KIAA1328: variants seen among roughly 807,000 people sequenced by gnomAD.
The protein encoded by KIAA1328 is KIAA1328.
In KIAA1328, 52 loss-of-function variants were observed where a neutral mutation model predicts 68.1. The observed-to-expected ratio is 0.76, with a 90% CI of 0.61 to 0.96. KIAA1328 has a LOEUF of 0.96. Among genes scored for constraint, KIAA1328 ranks in the 40% least tolerant of loss-of-function variants. The pLI, the probability that KIAA1328 is intolerant of heterozygous loss-of-function variation, is 0.00. For missense variants in KIAA1328, 641 were observed against 677.6 expected, an observed-to-expected ratio of 0.95 and a Z score of 0.60; for synonymous variants, 232 against 239.4, an observed-to-expected ratio of 0.97 and a Z score of 0.28.
chr18:36,934,033 A>G (rs907971119), intron 5 of KIAA1328, among the ~76,000 whole-genome samples: 1 of 152,110 alleles, frequency 6.6e-6, no homozygotes, highest in Non-Finnish European at 1.5e-5. Context: ...ACTCTCCAGG[A>G]TGATCCCCCT....
chr18:36,989,618 C>T (rs774799788), intron 6 of KIAA1328, among the ~76,000 whole-genome samples: 36 of 152,152 alleles, frequency 2.4e-4, no homozygotes, highest in Non-Finnish European at 4.0e-4. Flanking sequence ...AATTTTTAGT[C>T]GTGTGCCCAT....
In KIAA1328 at chr18:37,222,350, C is replaced by T; in HGVS notation, c.*123C>T. On this transcript the variant is annotated 3_prime_UTR_variant, in exon 10 of 10. Coordinates refer to ENST00000280020, the MANE Select transcript of KIAA1328 (RefSeq NM_020776.3). ...CACGGGGACTTGTCTCACTAGCATC[C>T]TGTTACGTATTGAATATAGAAATCA... The T allele has an allele frequency of 6.8e-7, 1 of 1,478,484 alleles. No individual in the cohort carries two copies. The highest frequency in any genetic ancestry group is 8.9e-7 in the Non-Finnish European group (1 of 1,119,698). 91.6% of individuals were successfully genotyped at this position (1,478,484 alleles called of 1,614,324 possible).
intron 6 of KIAA1328, among the ~76,000 whole-genome samples, chr18:37,037,825 G>A (rs2055086292): frequency 6.6e-6 from 1 of 152,102 alleles, no homozygotes. Flanking sequence ...AGATGGGCCA[G>A]GCACTGTGGC....
chr18:37,223,587 C>T lies in KIAA1328; in HGVS notation c.*1360C>T. On this transcript the variant is annotated 3_prime_UTR_variant, in exon 10 of 10. Transcript: ENST00000280020. ...GCTTTTTTTCTCTCCTTTTTACCAA[C>T]CCCAACTAAACTGGGAGTAAGACTT... 1 of 985,338 alleles carries T rather than the reference C, an allele frequency of 1.0e-6. No homozygotes were observed. Among genetic ancestry groups the T allele is most frequent in the African/African-American group, 1.7e-5 (1 of 57,344 alleles). 61.0% of individuals were successfully genotyped at this position (985,338 alleles called of 1,614,324 possible). A position where few individuals can be genotyped will look rare whatever the true frequency, so the allele number is the denominator to read the frequency against.
intron 6 of KIAA1328, among the ~76,000 whole-genome samples, chr18:36,997,661 G>A (rs1192014659): frequency 6.6e-6 from 1 of 152,172 alleles, no homozygotes; most frequent in African/African-American, 2.4e-5. Flanking sequence ...GGGTCCAGCA[G>A]TACCAGGACC....
downstream of KIAA1328, chr18:37,231,746 A>C (rs2060664812): frequency 6.5e-6 from 1 of 152,800 alleles, no homozygotes; most frequent in African/African-American, 2.4e-5. Flanking sequence ...AGGATGCCCT[A>C]GGCCCGTGCC....
At chr18:37,151,941 A>C (rs2059039974) in intron 7 of KIAA1328, among the ~76,000 whole-genome samples, 1 of 151,956 alleles carries the variant, frequency 6.6e-6, no homozygotes, top group African/African-American at 2.4e-5. Flanking sequence ...GGAGGTATCT[A>C]TGTGGAGTTT....
chr18:36,870,962 C>A (rs1280565926), intron 4 of KIAA1328, among the ~76,000 whole-genome samples: 1 of 152,192 alleles, frequency 6.6e-6, no homozygotes, highest in Non-Finnish European at 1.5e-5. Context: ...TGGCCTCCAC[C>A]AAGCTGAAAT....
intron 5 of KIAA1328, among the ~76,000 whole-genome samples, chr18:36,889,989 T>C (rs2048628051): frequency 6.6e-6 from 1 of 152,182 alleles, no homozygotes; most frequent in African/African-American, 2.4e-5. Context: ...AAACCAAGTT[T>C]TAGTTTCCTC....
rs545101918 is a variant in KIAA1328 at position 36,913,522 on chromosome 18, A to T, written c.448+27850A>T. ...CACACACACACACACACACACACAC[A>T]CTTAGAGGAAAGCAACTGCCTACAC... On this transcript the variant is annotated intron_variant, in intron 5 of 9. Coordinates refer to ENST00000280020, the MANE Select transcript of KIAA1328 (RefSeq NM_020776.3). 1.7e-4 allele frequency among the ~76,000 whole-genome samples: 14 copies of T among 82,166 alleles called. 1 individual carries two copies. Among genetic ancestry groups the T allele is most frequent in the South Asian group, 9.9e-4 (2 of 2,028 alleles). The allele number at this position is 82,166 out of a possible 152,430, so 53.9% of individuals were successfully genotyped here.
intron 5 of KIAA1328, among the ~76,000 whole-genome samples, chr18:36,912,619 A>G (rs1179157745): frequency 1.3e-5 from 2 of 152,110 alleles, no homozygotes; most frequent in Non-Finnish European, 2.9e-5. Flanking sequence ...GCCCCCAGAG[A>G]TTTATGTCTG....
chr18:37,067,560 TTC>T lies in KIAA1328; in HGVS notation c.1232+17_1232+18del. 2.1e-6 allele frequency: 3 copies of T among 1,440,578 alleles called. No homozygotes were observed. The highest frequency in any genetic ancestry group is 2.9e-5 in the South Asian group (2 of 68,966). The allele number at this position is 1,440,578 out of a possible 1,614,324, so 89.2% of individuals were successfully genotyped here. On this transcript the variant is annotated intron_variant, in intron 7 of 9. Transcript: ENST00000280020. Reference sequence around the variant, plus strand: ...GATTACAATTGGTGAGTACTGCCTGTTCTTTTTTTTTTTTTTTTGAGACGAAA... The same window carrying T: ...GATTACAATTGGTGAGTACTGCCTGTTTTTTTTTTTTTTTTTGAGACGAAA...
At chr18:36,940,876 A>G (rs142448734) in intron 5 of KIAA1328, among the ~76,000 whole-genome samples, 1,760 of 152,086 alleles carry the variant, frequency 0.012, 9 homozygotes, top group Non-Finnish European at 0.02. Context: ...GGGTTTCACC[A>G]TGTTAGCCAG....
intron 5 of KIAA1328, among the ~76,000 whole-genome samples, chr18:36,890,160 C>G (rs1248091953): frequency 6.6e-6 from 1 of 151,280 alleles, no homozygotes; most frequent in Non-Finnish European, 1.5e-5. Flanking sequence ...CATGGGTGGT[C>G]ATTTTAGAAA....
intron 7 of KIAA1328, among the ~76,000 whole-genome samples, chr18:37,076,655 A>G (rs2056748185): frequency 6.6e-6 from 1 of 151,896 alleles, no homozygotes; most frequent in African/African-American, 2.4e-5. Context: ...AGGGGATATC[A>G]CCACCAATCC....
intron 7 of KIAA1328, among the ~76,000 whole-genome samples, chr18:37,139,244 T>C (rs1599399721): frequency 6.6e-6 from 1 of 152,196 alleles, no homozygotes; most frequent in Admixed American, 6.5e-5. Context: ...ATTACAGGCA[T>C]GAGCCACCGT....
At chr18:37,125,711 G>C (rs185564722) in intron 7 of KIAA1328, among the ~76,000 whole-genome samples, 1 of 152,232 alleles carries the variant, frequency 6.6e-6, no homozygotes, top group East Asian at 1.9e-4. Context: ...ATACAGATTG[G>C]TCATCCCTAA....
chr18:36,954,794 A>C (rs1241529260), intron 5 of KIAA1328, among the ~76,000 whole-genome samples: 2 of 151,358 alleles, frequency 1.3e-5, no homozygotes, highest in Non-Finnish European at 2.9e-5. Context: ...TCCTGGGTTC[A>C]AGCAATTGTC....
chr18:37,203,852 C>T (rs1394534070), intron 9 of KIAA1328, among the ~76,000 whole-genome samples: 2 of 152,006 alleles, frequency 1.3e-5, no homozygotes, highest in Non-Finnish European at 2.9e-5. Flanking sequence ...CTCTGTCGCC[C>T]AGGCTGGAGT....
Sources: allele counts gnomAD v4.1 joint callset (sites outside exome capture counted in the v4.1 genomes callset), GRCh38; gene constraint gnomAD v4.1.1; transcripts MANE v1.5; gene names NCBI Gene and HGNC (gene_info 2026-07-23, HGNC 2026-07-21).